The following POMGNT2 variants were observed in gnomAD, a reference collection of about 807,000 sequenced individuals.
POMGNT2 encodes protein O-linked-mannose beta-1,4-N-acetylglucosaminyltransferase 2.
POMGNT2 carries 32 observed loss-of-function variants against 37.8 expected under a neutral mutation model. The ratio of observed to expected loss-of-function variants is 0.85; its 90% confidence interval spans 0.64 to 1.14. POMGNT2 has a LOEUF of 1.14. POMGNT2 is among the 50% of genes most tolerant of loss of function. The probability of loss-of-function intolerance (pLI) is 0.00; values close to 1 mark genes in which losing one functional copy is unlikely to be tolerated. For missense variants in POMGNT2, 705 were observed against 780.6 expected (o/e 0.90, Z 1.15); for synonymous variants, 340 against 336.8 (o/e 1.01, Z -0.10).
At chr3:43,086,914 C>T (rs2125704704) in intron 1 of POMGNT2, among the ~76,000 whole-genome samples, 1 of 152,210 alleles carries the variant, frequency 6.6e-6, no homozygotes, top group African/African-American at 2.4e-5. Flanking sequence ...TTTGCACAGA[C>T]AATTAGATAA....
At chr3:43,091,694 C>T (rs2125707508) in intron 1 of POMGNT2, among the ~76,000 whole-genome samples, 1 of 152,326 alleles carries the variant, frequency 6.6e-6, no homozygotes, top group East Asian at 1.9e-4. Context: ...CAGACATGCC[C>T]TGAACCAAGT....
rs919380804 is a variant in POMGNT2 at position 43,084,435 on chromosome 3, G to T, written c.-105-2899C>A. ...CCAAGGCGGGTGGATCACGAGGTCA[G>T]GAGTTCGAGACCACCCTGGCTAACA... On this transcript the variant is annotated intron_variant, in intron 1 of 1. Coordinates refer to ENST00000344697, the MANE Select transcript of POMGNT2 (RefSeq NM_032806.6). Among the ~76,000 whole-genome samples, 4 of 152,136 alleles carry T rather than the reference G, an allele frequency of 2.6e-5. 1 individual carries two copies. In the South Asian group the frequency reaches 6.2e-4, roughly 24 times the overall value.
chr3:43,090,698 AG>A (rs1169172507), intron 1 of POMGNT2: 1 of 152,188 alleles, frequency 6.6e-6, no homozygotes, highest in Non-Finnish European at 1.5e-5. Flanking sequence ...AAGGGACAAA[AG>A]GTTTAAAAAG....
chr3:43,104,861 T>C (rs986869978), intron 1 of POMGNT2, among the ~76,000 whole-genome samples: 8 of 152,194 alleles, frequency 5.3e-5, no homozygotes, highest in African/African-American at 1.9e-4. Context: ...TACTTTCATC[T>C]CCACTTCACA....
intron 1 of POMGNT2, among the ~76,000 whole-genome samples, chr3:43,084,010 A>C (rs144555954): frequency 2.2e-4 from 33 of 152,218 alleles, no homozygotes; most frequent in African/African-American, 7.7e-4. Flanking sequence ...TGGGGTACAG[A>C]TTTTCCTTCT....
At chr3:43,092,537 A>G (rs2089951640) in intron 1 of POMGNT2, among the ~76,000 whole-genome samples, 1 of 152,174 alleles carries the variant, frequency 6.6e-6, no homozygotes, top group African/African-American at 2.4e-5. Flanking sequence ...TCCTCAAGCA[A>G]TCCTCCTGCC....
At chr3:43,103,746 T>G (rs1213366949) in intron 1 of POMGNT2, among the ~76,000 whole-genome samples, 1 of 152,168 alleles carries the variant, frequency 6.6e-6, no homozygotes. Context: ...GAGAATTACA[T>G]GGCACCAGTT....
chr3:43,085,990 C>A (rs538186609), intron 1 of POMGNT2, among the ~76,000 whole-genome samples: 1 of 152,132 alleles, frequency 6.6e-6, no homozygotes, highest in Non-Finnish European at 1.5e-5. Context: ...CTTTTCTCCA[C>A]CTTTCAGTCT....
Position 43,080,463 on chromosome 3 carries a change from C to A in POMGNT2, c.969G>T (p.Leu323=). ...EFQMKTVTVS[L]EDHTFADVVR... ...CGACATCAGCAAAGGTGTGGTCCTC[C>A]AGGGACACTGTCACTGTCTTCATCT... Residue 323 remains leucine (L), a synonymous_variant, in exon 2 of 2, where the codon CTG becomes CTT. Coordinates refer to ENST00000344697, the MANE Select transcript of POMGNT2 (RefSeq NM_032806.6). The A allele has an allele frequency of 6.2e-7, 1 of 1,614,198 alleles. No homozygotes were observed. Among genetic ancestry groups the A allele is most frequent in the Non-Finnish European group, 8.5e-7 (1 of 1,180,038 alleles).
At chr3:43,084,638 G>A (rs1023247521) in intron 1 of POMGNT2, among the ~76,000 whole-genome samples, 1 of 143,108 alleles carries the variant, frequency 7.0e-6, no homozygotes, top group Admixed American at 7.0e-5. Flanking sequence ...GACAGAGCGA[G>A]ACTCCGTCTC....
At chr3:43,105,214 C>A (rs1363534674) in intron 1 of POMGNT2, among the ~76,000 whole-genome samples, 1 of 152,196 alleles carries the variant, frequency 6.6e-6, no homozygotes, top group Non-Finnish European at 1.5e-5. Flanking sequence ...GAGACGGGTT[C>A]CTAAACACAC....
intron 1 of POMGNT2, among the ~76,000 whole-genome samples, chr3:43,085,677 C>T (rs1367552567): frequency 6.6e-6 from 1 of 152,092 alleles, no homozygotes; most frequent in South Asian, 2.1e-4. Flanking sequence ...CGGACTAATA[C>T]GCTATCCATC....
At chr3:43,103,426 ACCCTCACCCAGCACTGCC>A (rs561367522) in intron 1 of POMGNT2, among the ~76,000 whole-genome samples, 64 of 152,074 alleles carry the variant, frequency 4.2e-4, no homozygotes, top group African/African-American at 1.5e-3. Context: ...CCCAGCCTGC[ACCCTCACCCAGCACTGCC>A]CCCTCACCCA....
Position 43,089,932 on chromosome 3 carries a change from T to C in POMGNT2, c.-105-8396A>G, listed in dbSNP as rs76964552. On this transcript the variant is annotated intron_variant, in intron 1 of 1. Coordinates refer to ENST00000344697, the MANE Select transcript of POMGNT2 (RefSeq NM_032806.6). ...TGTCCTTCATTCAGGTCTTCAAGGC[T>C]CTTGTGGAACACGGGCTGAGAACTT... is the stretch of plus-strand genomic sequence containing the variant. 1.6e-3 allele frequency among the ~76,000 whole-genome samples: 240 copies of C among 152,104 alleles called. 1 individual carries two copies. The highest frequency in any genetic ancestry group is 5.7e-3 in the African/African-American group (236 of 41,482).
rs190464773 is a variant in POMGNT2 at position 43,104,711 on chromosome 3, A to T, written c.-106+1125T>A. On this transcript the variant is annotated intron_variant, in intron 1 of 1. Transcript: ENST00000344697. ...CTAGTACCATTAAAGATGAACCTGG[A>T]CTCCAAGCACCTCTAACACTTTCTG... Among the ~76,000 whole-genome samples the T allele has an allele frequency of 2.6e-5, 4 of 152,032 alleles. No homozygotes were observed. The East Asian group carries it at 7.8e-4, about 29-fold the overall frequency.
At chr3:43,091,558 A>G (rs890722311) in intron 1 of POMGNT2, among the ~76,000 whole-genome samples, 1 of 152,220 alleles carries the variant, frequency 6.6e-6, no homozygotes, top group African/African-American at 2.4e-5. Flanking sequence ...AGATCTGCTG[A>G]TAGATACTAA....
At chr3:43,090,290 T>C (rs2125706669) in intron 1 of POMGNT2, among the ~76,000 whole-genome samples, 1 of 152,126 alleles carries the variant, frequency 6.6e-6, no homozygotes, top group Middle Eastern at 3.4e-3. Context: ...CGGTATTTTA[T>C]ATCAACATCT....
At chr3:43,083,882 T>C (rs2089875177) in intron 1 of POMGNT2, among the ~76,000 whole-genome samples, 1 of 152,224 alleles carries the variant, frequency 6.6e-6, no homozygotes, top group African/African-American at 2.4e-5. Flanking sequence ...GAACTTCTGT[T>C]AGTTCACTAT....
In POMGNT2 at chr3:43,080,383, A is replaced by G; in HGVS notation, c.1049T>C (p.Val350Ala). Residue 350 changes from valine (V) to alanine (A), a missense_variant, in exon 2 of 2, where the codon GTC becomes GCC. Coordinates refer to ENST00000344697, the MANE Select transcript of POMGNT2 (RefSeq NM_032806.6). ...MLVSMHGAQLVTTLFLPRGAT... is the reference protein window; with the variant it reads ...MLVSMHGAQLATTLFLPRGAT... ...CCCACGGGGCAGGAAGAGGGTGGTG[A>G]CCAGCTGGGCCCCATGCATGCTGAC... 6.2e-7 allele frequency: 1 copy of G among 1,614,146 alleles called. No homozygotes were observed. The highest frequency in any genetic ancestry group is 8.5e-7 in the Non-Finnish European group (1 of 1,180,008).
Sources: allele counts gnomAD v4.1 joint callset (sites outside exome capture counted in the v4.1 genomes callset), GRCh38; gene constraint gnomAD v4.1.1; transcripts MANE v1.5; gene names NCBI Gene and HGNC (gene_info 2026-07-23, HGNC 2026-07-21).